Variants in ZBTB7B observed in about 807,000 individuals in gnomAD.
ZBTB7B encodes zinc finger and BTB domain containing 7B.
A neutral mutation model predicts 31.0 loss-of-function variants in ZBTB7B; 8 were observed. The observed-to-expected ratio is 0.26, with a 90% CI of 0.15 to 0.47. ZBTB7B has a LOEUF of 0.47. ZBTB7B is among the 20% of genes least tolerant of loss of function. The probability of loss-of-function intolerance (pLI) is 0.99; values close to 1 mark genes in which losing one functional copy is unlikely to be tolerated. For missense variants in ZBTB7B, 494 were observed against 742.4 expected, an observed-to-expected ratio of 0.67 and a Z score of 3.89; for synonymous variants, 261 against 307.3, an observed-to-expected ratio of 0.85 and a Z score of 1.58.
rs1255582719 is a variant in ZBTB7B at position 155,017,369 on chromosome 1, CCCAGCTA to C, written c.*685_*691del. The C allele has an allele frequency of 9.3e-6, 1 of 107,250 alleles. No individual in the cohort carries two copies. Among genetic ancestry groups the C allele is most frequent in the Non-Finnish European group, 2.3e-5 (1 of 43,994 alleles). The allele number at this position is 107,250 out of a possible 1,614,324, so 6.6% of individuals were successfully genotyped here. A position where few individuals can be genotyped will look rare whatever the true frequency, so the allele number is the denominator to read the frequency against. On this transcript the variant is annotated 3_prime_UTR_variant, in exon 3 of 3. Transcript: ENST00000535420. ...CCCTGGGGGCAGTAGAGGGGCCCCG[CCCAGCTA>C]GGGGAGCCGCTCCGTTCCACTCCCC...
intron 1 of ZBTB7B, among the ~76,000 whole-genome samples, chr1:155,008,096 G>A (rs928233249): frequency 6.6e-6 from 1 of 152,104 alleles, no homozygotes; most frequent in African/African-American, 2.4e-5. Flanking sequence ...CAAGGGGTGG[G>A]GCTAGGCGCT....
In ZBTB7B at chr1:155,016,112, A is replaced by T. The variant is rs1659386206; in HGVS notation, c.1155-108A>T. 4.1e-6 allele frequency: 5 copies of T among 1,234,464 alleles called. No homozygotes were observed. In the South Asian group the frequency reaches 5.7e-5, roughly 14 times the overall value. 76.5% of individuals were successfully genotyped at this position (1,234,464 alleles called of 1,614,324 possible). A position where few individuals can be genotyped will look rare whatever the true frequency, so the allele number is the denominator to read the frequency against. ...GTATCTCCTGGGGCAATAGTGGGGTAACAAATGGTGAGGAACAGGGATGGG... is the reference window on the plus strand; with the variant it reads ...GTATCTCCTGGGGCAATAGTGGGGTTACAAATGGTGAGGAACAGGGATGGG... On this transcript the variant is annotated intron_variant, in intron 2 of 2. Transcript: ENST00000535420. The surrounding 1 kb of genome is among the most constrained non-coding windows in gnomAD (Gnocchi z 4.3).
rs1489186220 is a variant in ZBTB7B at position 155,003,014 on chromosome 1, CCG to C, written c.-7+72_-7+73del. On this transcript the variant is annotated intron_variant, in intron 1 of 2. Coordinates refer to ENST00000535420, the MANE Select transcript of ZBTB7B (RefSeq NM_001256455.2). This position sits in a 1 kb window ranked among gnomAD's most constrained non-coding sequence, Gnocchi z 5.8. The stretch of plus-strand genomic sequence containing the variant: ...TCGAGACTACTGCAGTGTCCTTCGT[CCG>C]TCCTGTAAGTGGGACCCCCAGATAC... 7.9e-5 allele frequency: 12 copies of C among 152,862 alleles called. No homozygotes were observed. Among genetic ancestry groups the C allele is most frequent in the Admixed American group, 5.2e-4 (8 of 15,312 alleles). The allele number at this position is 152,862 out of a possible 1,614,324, so 9.5% of individuals were successfully genotyped here. A position where few individuals can be genotyped will look rare whatever the true frequency, so the allele number is the denominator to read the frequency against.
In ZBTB7B at chr1:155,015,340, C is replaced by T. The variant is rs1278027274; in HGVS notation, c.680C>T (p.Pro227Leu). The T allele has an allele frequency of 6.3e-7, 1 of 1,594,382 alleles. No individual in the cohort carries two copies. Among genetic ancestry groups the T allele is most frequent in the Non-Finnish European group, 8.6e-7 (1 of 1,167,614 alleles). ...CTAGTCCCTGAGGTGCCCACAGTGC[C>T]CGCCCATCCCTTGACCTATGAGGAG... ...NHLVPEVPTV[P>L]AHPLTYEEEE... Residue 227 changes from proline to leucine, a missense_variant, in exon 2 of 3, where the codon CCC (proline) becomes CTC (leucine). Transcript: ENST00000535420.
At chr1:155,012,978 T>C (rs1659104351) in intron 1 of ZBTB7B, among the ~76,000 whole-genome samples, 1 of 152,086 alleles carries the variant, frequency 6.6e-6, no homozygotes, top group South Asian at 2.1e-4. Context: ...AAGTGACTTG[T>C]CCAAAGTCAT....
At chr1:155,010,653 G>A (rs890675439) in intron 1 of ZBTB7B, among the ~76,000 whole-genome samples, 1 of 152,180 alleles carries the variant, frequency 6.6e-6, no homozygotes, top group Non-Finnish European at 1.5e-5. Context: ...GGGAAGCGGT[G>A]GGGGAAGCTG....
chr1:155,010,596 C>G (rs540470056), intron 1 of ZBTB7B, among the ~76,000 whole-genome samples: 1 of 152,226 alleles, frequency 6.6e-6, no homozygotes, highest in South Asian at 2.1e-4. Context: ...CTTCCCTCCC[C>G]AACTGGGCAA....
At position 155,014,651 on chromosome 1, in the gene ZBTB7B, G is replaced by C. The variant is rs1558089295; in HGVS notation, c.-6-4G>C. On this transcript the variant is annotated splice_polypyrimidine_tract_variant and splice_region_variant and intron_variant, in intron 1 of 2. Transcript: ENST00000535420. ...CTTAATCTCCCCTCTACTTGACTCT[G>C]CAGGAGAAGATGGGGAGCCCCGAGG... The C allele has an allele frequency of 6.2e-7, 1 of 1,608,754 alleles. No homozygotes were observed. Among genetic ancestry groups the C allele is most frequent in the Non-Finnish European group, 8.5e-7 (1 of 1,176,628 alleles).
chr1:155,007,991 G>A (rs1658666637), intron 1 of ZBTB7B, among the ~76,000 whole-genome samples: 1 of 152,164 alleles, frequency 6.6e-6, no homozygotes, highest in African/African-American at 2.4e-5. Context: ...AGTGAAATTT[G>A]GTGGCCCATC....
At position 155,004,193 on chromosome 1, in the gene ZBTB7B, G is replaced by C. The variant is rs921922563; in HGVS notation, c.-7+1250G>C. ...CACCGGAAGTGGGTGCTGGGGAGAG[G>C]GGGAGACCGGCAGGCTGTCCAGGCT... On this transcript the variant is annotated intron_variant, in intron 1 of 2. Coordinates refer to ENST00000535420, the MANE Select transcript of ZBTB7B (RefSeq NM_001256455.2). The surrounding 1 kb of genome is among the most constrained non-coding windows in gnomAD (Gnocchi z 4.0). 6.6e-6 allele frequency among the ~76,000 whole-genome samples: 1 copy of C among 152,188 alleles called. No homozygotes were observed. The highest frequency in any genetic ancestry group is 2.4e-5 in the African/African-American group (1 of 41,442).
Position 155,016,100 on chromosome 1 carries a change from C to T in ZBTB7B, c.1155-120C>T. ...TGAGCTAGCAGGGTATCTCCTGGGGCAATAGTGGGGTAACAAATGGTGAGG... is the reference window on the plus strand; with the variant it reads ...TGAGCTAGCAGGGTATCTCCTGGGGTAATAGTGGGGTAACAAATGGTGAGG... On this transcript the variant is annotated intron_variant, in intron 2 of 2. Coordinates refer to ENST00000535420, the MANE Select transcript of ZBTB7B (RefSeq NM_001256455.2). The surrounding 1 kb of genome is among the most constrained non-coding windows in gnomAD (Gnocchi z 4.3). 1 of 1,114,432 alleles carries T rather than the reference C, an allele frequency of 9.0e-7. No individual in the cohort carries two copies. The highest frequency in any genetic ancestry group is 1.3e-6 in the Non-Finnish European group (1 of 775,726). 69.0% of individuals were successfully genotyped at this position (1,114,432 alleles called of 1,614,324 possible). A position where few individuals can be genotyped will look rare whatever the true frequency, so the allele number is the denominator to read the frequency against.
chr1:155,005,132 C>T (rs1658483020), intron 1 of ZBTB7B, among the ~76,000 whole-genome samples: 1 of 152,032 alleles, frequency 6.6e-6, no homozygotes, highest in South Asian at 2.1e-4. Flanking sequence ...GCAGCGGGGG[C>T]TGGGCTAACA....
chr1:155,007,417 A>G (rs1023305281), intron 1 of ZBTB7B, among the ~76,000 whole-genome samples: 1 of 152,190 alleles, frequency 6.6e-6, no homozygotes, highest in African/African-American at 2.4e-5. Context: ...CAGGAATTGC[A>G]GGGACTTTGG....
At position 155,003,987 on chromosome 1, in the gene ZBTB7B, G is replaced by A. The variant is rs538490060; in HGVS notation, c.-7+1044G>A. On this transcript the variant is annotated intron_variant, in intron 1 of 2. Coordinates refer to ENST00000535420, the MANE Select transcript of ZBTB7B (RefSeq NM_001256455.2). The surrounding 1 kb of genome is among the most constrained non-coding windows in gnomAD (Gnocchi z 5.8). ...CCCTGCTGGTGTTTAGAGAGAGGGCGGGTCCCCTGCCCCCCGCCCCGCACA... is the reference window on the plus strand; with the variant it reads ...CCCTGCTGGTGTTTAGAGAGAGGGCAGGTCCCCTGCCCCCCGCCCCGCACA... 5.9e-5 allele frequency among the ~76,000 whole-genome samples: 9 copies of A among 152,250 alleles called. No homozygotes were observed. The highest frequency in any genetic ancestry group is 5.9e-4 in the Admixed American group (9 of 15,296).
chr1:155,006,800 C>G (rs975823660), intron 1 of ZBTB7B, among the ~76,000 whole-genome samples: 1 of 152,294 alleles, frequency 6.6e-6, no homozygotes, highest in Admixed American at 6.5e-5. Context: ...CTTCCTTCCT[C>G]CTTTCCTCCC....
At position 155,015,168 on chromosome 1, in the gene ZBTB7B, A is replaced by G. The variant is rs776996205; in HGVS notation, c.508A>G (p.Thr170Ala). 1.2e-6 allele frequency: 2 copies of G among 1,613,728 alleles called. No homozygotes were observed. Among genetic ancestry groups the G allele is most frequent in the South Asian group, 1.1e-5 (1 of 91,082 alleles). ...GTATCTGGAGGCCTTTGCCACAGCC[A>G]CGGCCTCTGGAGTTCCCAATGGTGA... ...RQYLEAFATA[T>A]ASGVPNGEDS... The change falls in exon 2 of 3, where the codon ACG becomes GCG. Residue 170 changes from threonine to alanine, a missense_variant. By Grantham distance (58) the Thr-to-Ala change is moderately conservative. Coordinates refer to ENST00000535420, the MANE Select transcript of ZBTB7B (RefSeq NM_001256455.2).
In ZBTB7B at chr1:155,004,336, T is replaced by C. The variant is rs1013893393; in HGVS notation, c.-7+1393T>C. ...AGCTATTCCCCCTTCCCCCAACTTA[T>C]TCCTGGAGGAGGGAGACCGCTTATC... On this transcript the variant is annotated intron_variant, in intron 1 of 2. Transcript: ENST00000535420. This position sits in a 1 kb window ranked among gnomAD's most constrained non-coding sequence, Gnocchi z 4.0. 6.6e-6 allele frequency among the ~76,000 whole-genome samples: 1 copy of C among 152,142 alleles called. No homozygotes were observed. Among genetic ancestry groups the C allele is most frequent in the African/African-American group, 2.4e-5 (1 of 41,416 alleles).
At chr1:155,012,794 C>A (rs1659082544) in intron 1 of ZBTB7B, among the ~76,000 whole-genome samples, 1 of 150,966 alleles carries the variant, frequency 6.6e-6, no homozygotes, top group African/African-American at 2.4e-5. Flanking sequence ...CTTGACTCCC[C>A]CATTCACCCC....
chr1:155,011,117 C>G (rs1308454649), intron 1 of ZBTB7B: 2 of 1,079,680 alleles, frequency 1.9e-6, no homozygotes, highest in Non-Finnish European at 2.7e-6. Context: ...TGCTGCCCCC[C>G]ACACTAAGCC....
Sources: gnomAD v4.1 joint callset for allele counts (sites outside exome capture counted in the v4.1 genomes callset) on GRCh38, gnomAD v4.1.1 for gene constraint, Gnocchi (gnomAD v3.1) non-coding constraint, MANE v1.5 for transcripts, NCBI Gene and HGNC (gene_info 2026-07-23, HGNC 2026-07-21) for gene names.